Variants in CYLD observed in about 807,000 individuals in gnomAD.
CYLD encodes ubiquitin carboxyl-terminal hydrolase CYLD.
In CYLD, 26 loss-of-function variants were observed where a neutral mutation model predicts 104.5. The ratio of observed to expected loss-of-function variants is 0.25; its 90% CI spans 0.18 to 0.35. The LOEUF (loss-of-function observed/expected upper bound fraction) is 0.35, where lower values mean the gene tolerates loss of function less well. Among genes scored for constraint, CYLD ranks in the 10% least tolerant of loss-of-function variants. CYLD has a pLI of 1.00. For missense variants in CYLD, 703 were observed against 1,136.1 expected (o/e 0.62, Z 5.48); for synonymous variants, 385 against 399.9 (o/e 0.96, Z 0.45).
intron 2 of CYLD, 69 bp from the exon 3 acceptor site, chr16:50,749,507 A>G: frequency 3.3e-6 from 2 of 610,456 alleles, no homozygotes; most frequent in South Asian, 4.1e-5. Flanking sequence ...ATTTTCAGTC[A>G]TGTAGAATGA....
At chr16:50,771,282 G>A (rs868124231) in intron 5 of CYLD, among the ~76,000 whole-genome samples, 4 of 147,656 alleles carry the variant, frequency 2.7e-5, no homozygotes, top group African/African-American at 9.7e-5. Flanking sequence ...TTTGTGTCTG[G>A]CTTCTTCAGT....
intron 3 of CYLD, 50 bp from the exon 4 acceptor site, chr16:50,751,554 A>G (rs780671666): frequency 5.0e-5 from 78 of 1,569,646 alleles, no homozygotes; most frequent in Non-Finnish European, 6.3e-5. Context: ...CCCTTTTCCT[A>G]TGGATCGTCT....
intron 2 of CYLD, chr16:50,744,880 T>G (rs2150876640): frequency 6.6e-6 from 1 of 152,498 alleles, no homozygotes; most frequent in East Asian, 1.9e-4. Context: ...AGTTCCCCTT[T>G]ACTCAGAATC....
At chr16:50,774,485 G>T (rs1019534624) in intron 5 of CYLD, among the ~76,000 whole-genome samples, 4 of 152,122 alleles carry the variant, frequency 2.6e-5, no homozygotes, top group African/African-American at 9.7e-5. Flanking sequence ...TCAGAGAAGA[G>T]ACAATAATAA....
chr16:50,788,804 G>A (rs7200370), intron 14 of CYLD, among the ~76,000 whole-genome samples: 1,739 of 151,952 alleles, frequency 0.011, 35 homozygotes, highest in African/African-American at 0.04. Context: ...ATACCTTCAA[G>A]CAAATATGAA....
chr16:50,760,502 A>G (rs1967776830), intron 5 of CYLD, among the ~76,000 whole-genome samples: 1 of 152,128 alleles, frequency 6.6e-6, no homozygotes, highest in East Asian at 1.9e-4. Flanking sequence ...TTTATACAAT[A>G]TAAATATTCT....
At chr16:50,761,150 T>G (rs1967876128) in intron 5 of CYLD, among the ~76,000 whole-genome samples, 1 of 152,218 alleles carries the variant, frequency 6.6e-6, no homozygotes, top group South Asian at 2.1e-4. Flanking sequence ...TTTTTCTCAC[T>G]GATTTCTTCA....
Position 50,779,759 on chromosome 16 carries a change from C to T in CYLD, c.1233C>T (p.Thr411=). The T allele has an allele frequency of 6.2e-7, 1 of 1,613,890 alleles. No individual in the cohort carries two copies. The highest frequency in any genetic ancestry group is 8.5e-7 in the Non-Finnish European group (1 of 1,179,976). ...AGCCTCCTCCTGTGAACTCACTGAC[C>T]ACCGAGAACAGATTCCACTCTTTAC... ...PLQPPPVNSL[T]TENRFHSLPF... Residue 411 remains threonine (T), a synonymous_variant, in exon 9 of 19, where the codon ACC becomes ACT. Transcript: ENST00000427738.
intron 3 of CYLD, among the ~76,000 whole-genome samples, chr16:50,751,047 C>T (rs902716440): frequency 4.6e-5 from 7 of 152,264 alleles, no homozygotes; most frequent in Middle Eastern, 3.4e-3. Flanking sequence ...GTCTTCTTTG[C>T]TTCTTGATTT....
At chr16:50,779,610 T>A in intron 8 of CYLD, 55 bp from the exon 9 acceptor site, 1 of 1,582,058 alleles carries the variant, frequency 6.3e-7, no homozygotes, top group Non-Finnish European at 8.7e-7. Context: ...TTTAGAAATG[T>A]AAGACAGAGT....
Position 50,794,514 on chromosome 16 carries a change from G to A in CYLD, c.2686+86G>A, listed in dbSNP as rs1367712671. ...TGTAGTGGGATCGCCTGTTCTGAGT[G>A]ATATTTTCTGAGAAAATCCTTTCAG... is the stretch of plus-strand genomic sequence containing the variant. On this transcript the variant is annotated intron_variant, in intron 18 of 18. Coordinates refer to ENST00000427738, the MANE Select transcript of CYLD (RefSeq NM_001378743.1). The surrounding 1 kb of genome is among the most constrained non-coding windows in gnomAD (Gnocchi z 4.1). 1.2e-5 allele frequency: 15 copies of A among 1,244,482 alleles called. No individual in the cohort carries two copies. The highest frequency in any genetic ancestry group is 1.6e-5 in the Non-Finnish European group (14 of 848,518). The allele number at this position is 1,244,482 out of a possible 1,614,324, so 77.1% of individuals were successfully genotyped here.
In CYLD at chr16:50,743,298, A is replaced by G. The variant is rs1965879770; in HGVS notation, c.-124+457A>G. On this transcript the variant is annotated intron_variant, in intron 2 of 18. Transcript: ENST00000427738. ...TTTCTACACACCCCCTCACGCCCCA[A>G]GTAGACTGAATGGCCTTAAGAATTT... 2.0e-5 allele frequency among the ~76,000 whole-genome samples: 3 copies of G among 152,300 alleles called. 1 individual carries two copies. The highest frequency in any genetic ancestry group is 6.8e-3 in the Middle Eastern group (2 of 294).
At chr16:50,752,003 T>C (rs370534101) in intron 4 of CYLD, 97 bp downstream of exon 4, 2 of 342,842 alleles carry the variant, frequency 5.8e-6, no homozygotes, top group South Asian at 9.0e-5. Flanking sequence ...CACATATATA[T>C]ACACACATAT....
At chr16:50,764,474 A>G (rs1340035278) in intron 5 of CYLD, among the ~76,000 whole-genome samples, 1 of 152,182 alleles carries the variant, frequency 6.6e-6, no homozygotes, top group African/African-American at 2.4e-5. Flanking sequence ...CAACCTCAGC[A>G]GCATCTGCCC....
chr16:50,771,251 T>C (rs1434386045), intron 5 of CYLD, among the ~76,000 whole-genome samples: 3 of 152,180 alleles, frequency 2.0e-5, no homozygotes, highest in Admixed American at 6.5e-5. Flanking sequence ...TTCACATAAA[T>C]AGAATAAAAG....
chr16:50,795,514 GT>G (rs1971941261), intron 18 of CYLD: 1 of 702,644 alleles, frequency 1.4e-6, no homozygotes, highest in Non-Finnish European at 2.6e-6. Context: ...TGACTCTCAT[GT>G]TCCTCCATTC....
chr16:50,745,429 G>A (rs1011383727), intron 2 of CYLD, among the ~76,000 whole-genome samples: 1 of 143,510 alleles, frequency 7.0e-6, no homozygotes, highest in Admixed American at 7.2e-5. Context: ...GTACAGTGGT[G>A]TGATCATAGC....
Position 50,786,837 on chromosome 16 carries a change from A to G in CYLD, c.1950-18A>G, listed in dbSNP as rs750858865. ...TTAATACATGCCAATATCAATTAAT[A>G]GTTTTTTACTAACTTAGATATGGAT... is the stretch of plus-strand genomic sequence containing the variant. On this transcript the variant is annotated intron_variant, in intron 12 of 18. Coordinates refer to ENST00000427738, the MANE Select transcript of CYLD (RefSeq NM_001378743.1). 19 of 1,506,518 alleles carry G rather than the reference A, an allele frequency of 1.3e-5. No homozygotes were observed. Among genetic ancestry groups the G allele is most frequent in the Non-Finnish European group, 1.8e-6 (2 of 1,082,316 alleles). 93.3% of individuals were successfully genotyped at this position (1,506,518 alleles called of 1,614,324 possible).
At chr16:50,754,971 ATATG>A (rs1303213909) in intron 5 of CYLD, among the ~76,000 whole-genome samples, 6 of 141,978 alleles carry the variant, frequency 4.2e-5, no homozygotes, top group East Asian at 2.0e-4. Flanking sequence ...ATACACACAT[ATATG>A]TATACATATA....
Sources: gnomAD v4.1 joint callset for allele counts (sites outside exome capture counted in the v4.1 genomes callset) on GRCh38, gnomAD v4.1.1 for gene constraint, Gnocchi (gnomAD v3.1) non-coding constraint, MANE v1.5 for transcripts, NCBI Gene and HGNC (gene_info 2026-07-23, HGNC 2026-07-21) for gene names.